The following KCNN2 variants were observed in gnomAD, a reference collection of about 807,000 sequenced individuals.
KCNN2 encodes the protein potassium calcium-activated channel subfamily N member 2, also known as small conductance calcium-activated potassium channel protein 2.
In KCNN2, 24 loss-of-function variants were observed where a neutral mutation model predicts 55.5. The observed-to-expected ratio is 0.43, with a 90% confidence interval of 0.31 to 0.61. The LOEUF is 0.61. KCNN2 is among the 20% of genes least tolerant of loss of function. KCNN2 has a pLI of 0.08. For missense variants in KCNN2, 754 were observed against 853.6 expected (o/e 0.88, Z 1.45); for synonymous variants, 431 against 336.1 (o/e 1.28, Z -3.09).
chr5:114,437,344 G>A (rs1318823117), intron 3 of KCNN2, among the ~76,000 whole-genome samples: 1 of 152,102 alleles, frequency 6.6e-6, no homozygotes, highest in African/African-American at 2.4e-5. Context: ...GAGAGAAGGG[G>A]AGGAAGAGAG....
At chr5:114,229,719 A>G (rs1380620958) in intron 2 of KCNN2, among the ~76,000 whole-genome samples, 3 of 148,172 alleles carry the variant, frequency 2.0e-5, no homozygotes. Context: ...TATTTTGTTC[A>G]GGTTTAATTA....
chr5:114,067,743 G>T (rs1750480858), intron 1 of KCNN2, among the ~76,000 whole-genome samples: 2 of 152,152 alleles, frequency 1.3e-5, no homozygotes, highest in Admixed American at 6.5e-5. Context: ...TCCCACAGGG[G>T]TCTGTGTATA....
intron 2 of KCNN2, among the ~76,000 whole-genome samples, chr5:114,373,332 C>A (rs923358151): frequency 6.6e-6 from 1 of 151,762 alleles, no homozygotes; most frequent in African/African-American, 2.4e-5. Context: ...TATATAGAAA[C>A]AATGGGAAAG....
intron 2 of KCNN2, among the ~76,000 whole-genome samples, chr5:114,231,778 A>G (rs75210381): frequency 0.035 from 5,351 of 150,896 alleles, 616 homozygotes; most frequent in African/African-American, 0.12. Flanking sequence ...AATCCTCCAA[A>G]ACTATGTCCA....
At chr5:114,360,124 A>G (rs914253538), upstream of KCNN2, among the ~76,000 whole-genome samples, 3 of 152,208 alleles carry the variant, frequency 2.0e-5, no homozygotes, top group African/African-American at 7.2e-5. Flanking sequence ...GAGAAATTCA[A>G]TTCCGGACAG....
intron 1 of KCNN2, among the ~76,000 whole-genome samples, chr5:114,102,527 A>G (rs139247113): frequency 1.2e-3 from 177 of 152,296 alleles, no homozygotes; most frequent in African/African-American, 4.2e-3. Flanking sequence ...TATGTCCTGA[A>G]TGGTATTCCC....
intron 2 of KCNN2, among the ~76,000 whole-genome samples, chr5:114,233,738 A>T (rs1271537669): frequency 6.6e-6 from 1 of 152,228 alleles, no homozygotes; most frequent in Admixed American, 6.5e-5. Context: ...ATGAGAACAC[A>T]ATGAGACTTT....
chr5:114,442,944 C>T (rs2150096183), intron 3 of KCNN2, among the ~76,000 whole-genome samples: 1 of 151,054 alleles, frequency 6.6e-6, no homozygotes, highest in African/African-American at 2.4e-5. Flanking sequence ...TTAGAGGGAC[C>T]TCATGCCAGC....
At chr5:114,493,362 G>A in intron 6 of KCNN2, 41 bp from the exon 7 acceptor site, 1 of 1,245,402 alleles carries the variant, frequency 8.0e-7, no homozygotes, top group Non-Finnish European at 1.2e-6. Context: ...GATTGCCATA[G>A]GAAGAAGGGA....
At chr5:114,320,531 G>A (rs1466229433) in intron 2 of KCNN2, among the ~76,000 whole-genome samples, 1 of 151,614 alleles carries the variant, frequency 6.6e-6, no homozygotes, top group African/African-American at 2.4e-5. Context: ...GGAGAATGGC[G>A]TGAACCCGGG....
intron 2 of KCNN2, chr5:114,253,584 G>T: frequency 6.4e-6 from 1 of 155,416 alleles, no homozygotes. Flanking sequence ...CTGGCTAGGC[G>T]GGTGTCCCCT....
chr5:114,480,938 C>T (rs972887299), intron 5 of KCNN2, among the ~76,000 whole-genome samples: 3 of 152,160 alleles, frequency 2.0e-5, no homozygotes, highest in Non-Finnish European at 4.4e-5. Flanking sequence ...AAGCATTCCC[C>T]TTGAAAACCA....
intron 2 of KCNN2, among the ~76,000 whole-genome samples, chr5:114,345,902 T>C (rs1215318668): frequency 6.6e-6 from 1 of 152,184 alleles, no homozygotes; most frequent in African/African-American, 2.4e-5. Flanking sequence ...TGCCTCGGCA[T>C]CCCGAGTAGC....
At chr5:114,310,958 T>C (rs887340541) in intron 2 of KCNN2, among the ~76,000 whole-genome samples, 3 of 152,158 alleles carry the variant, frequency 2.0e-5, no homozygotes, top group African/African-American at 4.8e-5. Flanking sequence ...AGTTTATTCA[T>C]CAAAGTCTAC....
chr5:114,469,090 C>G (rs1453475027), intron 4 of KCNN2, among the ~76,000 whole-genome samples: 1 of 152,112 alleles, frequency 6.6e-6, no homozygotes, highest in African/African-American at 2.4e-5. Context: ...TTTAACTTGG[C>G]AGCATCTAAG....
At chr5:114,352,980 T>C (rs1757237225) in intron 2 of KCNN2, among the ~76,000 whole-genome samples, 1 of 151,960 alleles carries the variant, frequency 6.6e-6, no homozygotes, top group Non-Finnish European at 1.5e-5. Context: ...TTATTAAAAG[T>C]AGACTATTAA....
intron 1 of KCNN2, among the ~76,000 whole-genome samples, chr5:114,213,196 C>T (rs1317686648): frequency 6.6e-6 from 1 of 152,000 alleles, no homozygotes; most frequent in African/African-American, 2.4e-5. Context: ...TTTCCCTGAA[C>T]TCATATTTCA....
chr5:114,329,407 G>T (rs750101398), intron 2 of KCNN2, among the ~76,000 whole-genome samples: 1 of 152,202 alleles, frequency 6.6e-6, no homozygotes, highest in Admixed American at 6.5e-5. Context: ...AATAAAGTAG[G>T]CAGGAGAAGG....
intron 1 of KCNN2, among the ~76,000 whole-genome samples, chr5:114,179,155 A>G (rs1753189908): frequency 6.6e-6 from 1 of 152,226 alleles, no homozygotes; most frequent in African/African-American, 2.4e-5. Context: ...ATGGTCAGCA[A>G]TATGGATATG....
Sources: gnomAD v4.1 joint callset for allele counts (sites outside exome capture counted in the v4.1 genomes callset) on GRCh38, gnomAD v4.1.1 for gene constraint, MANE v1.5 for transcripts, NCBI Gene and HGNC (gene_info 2026-07-23, HGNC 2026-07-21) for gene names.